DLEU7: variants seen among roughly 807,000 people sequenced by gnomAD.
DLEU7 encodes the protein deleted in lymphocytic leukemia 7.
Under a neutral mutation model 16.0 loss-of-function variants are expected in DLEU7, and 17 were observed. That is an observed-to-expected ratio of 1.06 (90% CI 0.73 to 1.59). DLEU7 has a LOEUF of 1.59. DLEU7 is among the 40% of genes most tolerant of loss of function. The pLI, the probability that DLEU7 is intolerant of heterozygous loss-of-function variation, is 0.00. For missense variants in DLEU7, 308 were observed against 314.9 expected (o/e 0.98, Z 0.17); for synonymous variants, 113 against 139.8 (o/e 0.81, Z 1.35).
intron 1 of DLEU7, among the ~76,000 whole-genome samples, chr13:50,802,781 A>G (rs1876285751): frequency 6.6e-6 from 1 of 152,142 alleles, no homozygotes; most frequent in South Asian, 2.1e-4. Flanking sequence ...ATATATGGAT[A>G]TTTCCAGATA....
At chr13:50,840,947 G>A (rs777822239) in intron 1 of DLEU7, among the ~76,000 whole-genome samples, 5 of 152,132 alleles carry the variant, frequency 3.3e-5, no homozygotes, top group Non-Finnish European at 5.9e-5. Flanking sequence ...GATGGAAAAT[G>A]TTTAGAATCA....
At chr13:50,769,927 G>A (rs1471641750) in intron 1 of DLEU7, among the ~76,000 whole-genome samples, 1 of 152,156 alleles carries the variant, frequency 6.6e-6, no homozygotes, top group East Asian at 1.9e-4. Context: ...AGCATGGAAT[G>A]TTCTTCCATT....
intron 1 of DLEU7, among the ~76,000 whole-genome samples, chr13:50,796,031 C>T (rs766500542): frequency 6.6e-6 from 1 of 151,784 alleles, no homozygotes; most frequent in Non-Finnish European, 1.5e-5. Flanking sequence ...CTCACCAGTA[C>T]CTGTTTTCCC....
intron 1 of DLEU7, among the ~76,000 whole-genome samples, chr13:50,804,950 C>A (rs1035992603): frequency 5.3e-5 from 8 of 151,954 alleles, no homozygotes; most frequent in Admixed American, 1.3e-4. Context: ...TCAGTTGGCT[C>A]ACTTTTTATA....
chr13:50,729,769 G>A (rs1294432343), intron 1 of DLEU7, among the ~76,000 whole-genome samples: 3 of 152,040 alleles, frequency 2.0e-5, no homozygotes, highest in African/African-American at 7.2e-5. Context: ...GTTTTGATTT[G>A]CATTTCTTTG....
chr13:50,827,321 GTTA>G (rs1318746060), intron 1 of DLEU7, among the ~76,000 whole-genome samples: 1 of 152,090 alleles, frequency 6.6e-6, no homozygotes. Flanking sequence ...AAATGTAAGA[GTTA>G]TTATTAAAAG....
chr13:50,805,799 T>G (rs1254261390), intron 1 of DLEU7, among the ~76,000 whole-genome samples: 1 of 152,158 alleles, frequency 6.6e-6, no homozygotes, highest in East Asian at 1.9e-4. Context: ...AGAGAACAAA[T>G]ATCAGCAAAC....
At chr13:50,772,176 G>T (rs1442734647) in intron 1 of DLEU7, among the ~76,000 whole-genome samples, 1 of 152,088 alleles carries the variant, frequency 6.6e-6, no homozygotes, top group African/African-American at 2.4e-5. Context: ...CATGAGATGG[G>T]TCTCCTAAAT....
chr13:50,822,818 G>C, downstream of DLEU7: 5 of 987,278 alleles, frequency 5.1e-6, no homozygotes, highest in Non-Finnish European at 4.8e-6. Context: ...GACACATATA[G>C]TCCTACAAAG....
At chr13:50,722,115 C>T (rs1469225752) in intron 1 of DLEU7, among the ~76,000 whole-genome samples, 1 of 152,192 alleles carries the variant, frequency 6.6e-6, no homozygotes, top group Non-Finnish European at 1.5e-5. Context: ...TAAAGAAGCC[C>T]TTTGCCACGT....
chr13:50,732,722 C>G (rs572357047), intron 1 of DLEU7, among the ~76,000 whole-genome samples: 15 of 151,640 alleles, frequency 9.9e-5, no homozygotes, highest in Non-Finnish European at 2.1e-4. Flanking sequence ...TTCTTTGAGT[C>G]CTTTTTTTAA....
In DLEU7 at chr13:50,772,339, T is replaced by A. The variant is rs571634700; in HGVS notation, c.460-59099A>T. Among the ~76,000 whole-genome samples the A allele has an allele frequency of 2.6e-5, 4 of 152,324 alleles. No individual in the cohort carries two copies. In the East Asian group the frequency reaches 7.7e-4, roughly 29 times the overall value. On this transcript the variant is annotated intron_variant, in intron 1 of 1. Transcript: ENST00000400393. ...TTAGCTGGTTATTTTGCCCATTAGTTGATGCAGTTTCTTCCTAGCCTCGAT... is the reference window on the plus strand; with the variant it reads ...TTAGCTGGTTATTTTGCCCATTAGTAGATGCAGTTTCTTCCTAGCCTCGAT...
intron 1 of DLEU7, among the ~76,000 whole-genome samples, chr13:50,751,810 G>A (rs1874572281): frequency 6.6e-6 from 1 of 152,000 alleles, no homozygotes; most frequent in Admixed American, 6.5e-5. Context: ...GAGGTTATGT[G>A]GATTTTCTCT....
chr13:50,755,434 C>A (rs1874725473), intron 1 of DLEU7, among the ~76,000 whole-genome samples: 1 of 152,104 alleles, frequency 6.6e-6, no homozygotes, highest in Admixed American at 6.5e-5. Context: ...AATTTGAAGA[C>A]CTTGTCTTTA....
intron 1 of DLEU7, among the ~76,000 whole-genome samples, chr13:50,781,722 C>T (rs372099847): frequency 3.9e-5 from 6 of 152,080 alleles, no homozygotes; most frequent in Non-Finnish European, 7.4e-5. Context: ...ATCTGTCCTT[C>T]GCATCTCAGC....
At chr13:50,825,728 T>C (rs912025158) in intron 1 of DLEU7, among the ~76,000 whole-genome samples, 4 of 152,248 alleles carry the variant, frequency 2.6e-5, no homozygotes, top group African/African-American at 9.6e-5. Context: ...TATCTGATGA[T>C]GAGTGGCTGG....
At chr13:50,822,737 CAAGGTTTAG>C, downstream of DLEU7, 1 of 985,320 alleles carries the variant, frequency 1.0e-6, no homozygotes, top group Non-Finnish European at 1.2e-6. Context: ...TATAAAAGCA[CAAGGTTTAG>C]AAGCAACTCT....
downstream of DLEU7, among the ~76,000 whole-genome samples, chr13:50,819,438 T>C (rs753388979): frequency 1.5e-4 from 23 of 152,042 alleles, no homozygotes; most frequent in Non-Finnish European, 2.9e-4. Context: ...CGTTTTTTAC[T>C]GTGGCTGATG....
chr13:50,798,031 C>T (rs755176955), intron 1 of DLEU7, among the ~76,000 whole-genome samples: 1 of 152,154 alleles, frequency 6.6e-6, no homozygotes, highest in African/African-American at 2.4e-5. Context: ...AGCAATTGTA[C>T]AGAAGAGCAG....
Sources: gnomAD v4.1 joint callset for allele counts (sites outside exome capture counted in the v4.1 genomes callset) on GRCh38, gnomAD v4.1.1 for gene constraint, MANE v1.5 for transcripts, NCBI Gene and HGNC (gene_info 2026-07-23, HGNC 2026-07-21) for gene names.